MCOLN3: variants seen among roughly 807,000 people sequenced by gnomAD.
MCOLN3 encodes the protein mucolipin-3.
A neutral mutation model predicts 69.4 loss-of-function variants in MCOLN3; 62 were observed. That is an observed-to-expected ratio of 0.89 (90% CI 0.73 to 1.10). MCOLN3 has a LOEUF of 1.10. MCOLN3 is among the 50% of genes least tolerant of loss of function. MCOLN3 has a pLI of 0.00. For synonymous variants in MCOLN3, 183 were observed against 217.0 expected (o/e 0.84, Z 1.38); for missense variants, 564 against 656.4 (o/e 0.86, Z 1.54).
chr1:85,035,250 T>G (rs939268115), intron 3 of MCOLN3, among the ~76,000 whole-genome samples: 1 of 152,240 alleles, frequency 6.6e-6, no homozygotes, highest in African/African-American at 2.4e-5. Flanking sequence ...AACCTCTATA[T>G]TTTGGCCTAT....
Position 85,022,385 on chromosome 1 carries a change from C to A in MCOLN3, c.1111G>T (p.Asp371Tyr). Residue 371 changes from aspartate (D) to tyrosine (Y), a missense_variant, in exon 10 of 13, where the codon GAT becomes TAT. By Grantham distance (160) the Asp-to-Tyr change is radical. Coordinates refer to ENST00000370589, the MANE Select transcript of MCOLN3 (RefSeq NM_018298.11). ...GTCCCAAGAAGTATGCTACAGACAT[C>A]ATAACTAGTTAGACTCTAAGAGAGA... ...EIQAKSLTSY[D>Y]VCSILLGTST... The A allele has an allele frequency of 6.2e-7, 1 of 1,607,486 alleles. No individual in the cohort carries two copies. Among genetic ancestry groups the A allele is most frequent in the Non-Finnish European group, 8.5e-7 (1 of 1,174,698 alleles).
intron 9 of MCOLN3, chr1:85,024,600 T>G (rs1652119937): frequency 6.6e-6 from 1 of 151,946 alleles, no homozygotes; most frequent in South Asian, 2.1e-4. Flanking sequence ...AGAATGAGGA[T>G]AGGACAAGGG....
At chr1:85,023,503 C>T (rs1031290024) in intron 9 of MCOLN3, 3 of 152,082 alleles carry the variant, frequency 2.0e-5, no homozygotes, top group Non-Finnish European at 2.9e-5. Flanking sequence ...TACCATTAAC[C>T]GAAATTTGAA....
intron 3 of MCOLN3, among the ~76,000 whole-genome samples, chr1:85,039,913 T>G (rs1051376898): frequency 6.6e-6 from 1 of 150,990 alleles, no homozygotes; most frequent in Non-Finnish European, 1.5e-5. Flanking sequence ...ACTGCACCAC[T>G]GCACTGCAGC....
At position 85,032,679 on chromosome 1, in the gene MCOLN3, G is replaced by T; in HGVS notation, c.732+17C>A. 3 of 1,585,426 alleles carry T rather than the reference G, an allele frequency of 1.9e-6. No individual in the cohort carries two copies. Among genetic ancestry groups the T allele is most frequent in the Non-Finnish European group, 1.7e-6 (2 of 1,154,822 alleles). On this transcript the variant is annotated intron_variant, in intron 6 of 12. Transcript: ENST00000370589. ...TTTCTCCAGACTGGAACCAAATTCAGCCTGGCCCACACTTACAGTCAGAGT... is the reference window on the plus strand; with the variant it reads ...TTTCTCCAGACTGGAACCAAATTCATCCTGGCCCACACTTACAGTCAGAGT...
intron 12 of MCOLN3, 56 bp downstream of exon 12, chr1:85,021,014 T>C: frequency 7.6e-7 from 1 of 1,323,466 alleles, no homozygotes; most frequent in Non-Finnish European, 1.0e-6. Flanking sequence ...TGAATTTTAC[T>C]GCTACTCTAC....
intron 7 of MCOLN3, among the ~76,000 whole-genome samples, chr1:85,027,862 T>C (rs2102923577): frequency 6.6e-6 from 1 of 152,278 alleles, no homozygotes; most frequent in South Asian, 2.1e-4. Flanking sequence ...GTGTCAGCCA[T>C]TGTACACTGC....
At chr1:85,037,301 G>A (rs1288314088) in intron 3 of MCOLN3, among the ~76,000 whole-genome samples, 2 of 152,112 alleles carry the variant, frequency 1.3e-5, no homozygotes, top group African/African-American at 2.4e-5. Flanking sequence ...GTAGACCAGT[G>A]TGCCTAGAAC....
chr1:85,032,444 C>T (rs1371935700), intron 6 of MCOLN3, among the ~76,000 whole-genome samples: 1 of 152,078 alleles, frequency 6.6e-6, no homozygotes, highest in African/African-American at 2.4e-5. Context: ...GTTCGTGGTA[C>T]TGGAAATAGT....
intron 6 of MCOLN3, among the ~76,000 whole-genome samples, chr1:85,030,425 A>G (rs1652451903): frequency 6.6e-6 from 1 of 152,240 alleles, no homozygotes; most frequent in Non-Finnish European, 1.5e-5. Flanking sequence ...GAAAATATCC[A>G]AAATGAAACA....
chr1:85,046,000 T>C (rs1653329055), intron 1 of MCOLN3, among the ~76,000 whole-genome samples: 2 of 152,192 alleles, frequency 1.3e-5, no homozygotes, highest in Non-Finnish European at 2.9e-5. Flanking sequence ...CCTTCTATGA[T>C]TGTAGCCAGA....
intron 7 of MCOLN3, among the ~76,000 whole-genome samples, chr1:85,027,484 C>T (rs1652280426): frequency 6.6e-6 from 1 of 152,158 alleles, no homozygotes; most frequent in Admixed American, 6.5e-5. Flanking sequence ...AAAATCTGTG[C>T]AGTTTGTTTC....
At chr1:85,035,548 GA>G (rs1652762039) in intron 3 of MCOLN3, among the ~76,000 whole-genome samples, 1 of 152,078 alleles carries the variant, frequency 6.6e-6, no homozygotes, top group Non-Finnish European at 1.5e-5. Context: ...CAAAACTTAG[GA>G]AAGATCCTTT....
intron 6 of MCOLN3, among the ~76,000 whole-genome samples, chr1:85,031,769 TTGAC>T (rs1408065841): frequency 6.6e-6 from 1 of 152,016 alleles, no homozygotes; most frequent in East Asian, 1.9e-4. Context: ...TAAAAGATAA[TTGAC>T]TGTTTAAAGA....
intron 9 of MCOLN3, 105 bp downstream of exon 9, chr1:85,025,834 G>A (rs1652185966): frequency 8.5e-7 from 1 of 1,180,026 alleles, no homozygotes; most frequent in Non-Finnish European, 1.2e-6. Flanking sequence ...TTGATATACA[G>A]TTTGGAAGAA....
At position 85,022,420 on chromosome 1, in the gene MCOLN3, TATA is replaced by T; in HGVS notation, c.1096-23_1096-21del. The T allele has an allele frequency of 4.7e-6, 7 of 1,498,388 alleles. No individual in the cohort carries two copies. Among genetic ancestry groups the T allele is most frequent in the Non-Finnish European group, 6.5e-6 (7 of 1,083,780 alleles). The allele number at this position is 1,498,388 out of a possible 1,614,324, so 92.8% of individuals were successfully genotyped here. On this transcript the variant is annotated intron_variant, in intron 9 of 12. Coordinates refer to ENST00000370589, the MANE Select transcript of MCOLN3 (RefSeq NM_018298.11). ...TAGACTCTAAGAGAGAGTGGAAAAATATAATCAGATTATAAAGCAGAAATTCAT... is the reference window on the plus strand; with the variant it reads ...TAGACTCTAAGAGAGAGTGGAAAAATATCAGATTATAAAGCAGAAATTCAT...
chr1:85,041,247 G>C lies in MCOLN3; in HGVS notation c.229-70C>G, dbSNP rs530835928. 1.2e-5 allele frequency: 16 copies of C among 1,308,840 alleles called. No individual in the cohort carries two copies. In the African/African-American group the frequency reaches 2.2e-4, roughly 18 times the overall value. The allele number at this position is 1,308,840 out of a possible 1,614,324, so 81.1% of individuals were successfully genotyped here. A position where few individuals can be genotyped will look rare whatever the true frequency, so the allele number is the denominator to read the frequency against. On this transcript the variant is annotated intron_variant, in intron 2 of 12. Transcript: ENST00000370589. ...CAGAAAAAGCAGAGCAGAAGGTACA[G>C]GGGCTTGAACAACAAATAGAAGAGT...
chr1:85,021,199 T>A lies in MCOLN3; in HGVS notation c.1398A>T (p.Lys466Asn), dbSNP rs1465043450. The A allele has an allele frequency of 6.2e-7, 1 of 1,613,906 alleles. No homozygotes were observed. Among genetic ancestry groups the A allele is most frequent in the Admixed American group, 1.7e-5 (1 of 60,006 alleles). Reference protein sequence around the residue: ...NGDDMFATFAKMQQKSYLVWL... With the variant: ...NGDDMFATFANMQQKSYLVWL... ...AGACTAAGTAACTTTTTTGCTGCAT[T>A]TTTGCAAACGTGGCAAACATATCAT... Residue 466 changes from lysine to asparagine, a missense_variant, in exon 12 of 13, where the codon AAA becomes AAT. Lys to Asn is a moderately conservative substitution (Grantham distance 94). Coordinates refer to ENST00000370589, the MANE Select transcript of MCOLN3 (RefSeq NM_018298.11).
intron 1 of MCOLN3, among the ~76,000 whole-genome samples, chr1:85,048,061 C>T (rs1302120521): frequency 1.3e-5 from 2 of 152,212 alleles, no homozygotes; most frequent in Non-Finnish European, 2.9e-5. Context: ...GGGCTCCGGG[C>T]GGGGGTGGCT....
Sources: gnomAD v4.1 joint callset for allele counts (sites outside exome capture counted in the v4.1 genomes callset) on GRCh38, gnomAD v4.1.1 for gene constraint, MANE v1.5 for transcripts, NCBI Gene and HGNC (gene_info 2026-07-23, HGNC 2026-07-21) for gene names.